The following ADGRG2 variants were observed in gnomAD, a reference collection of about 807,000 sequenced individuals.
ADGRG2 encodes the protein adhesion G protein-coupled receptor G2.
A neutral mutation model predicts 74.1 loss-of-function variants in ADGRG2; 26 were observed. That is an observed-to-expected ratio of 0.35 (90% CI 0.26 to 0.49). ADGRG2 has a LOEUF of 0.49. Ranked by LOEUF, ADGRG2 falls within the 20% of genes least tolerant of loss-of-function variation. The pLI is 0.99. For missense variants in ADGRG2, 619 were observed against 763.1 expected (o/e 0.81, Z 2.22); for synonymous variants, 296 against 295.2 (o/e 1.00, Z -0.03).
At chrX:19,070,094 C>T (rs1011197294) in intron 2 of ADGRG2, among the ~76,000 whole-genome samples, 6 of 112,411 alleles carry the variant, frequency 5.3e-5, no homozygotes, top group Non-Finnish European at 9.4e-5. Context: ...TGTACCCACT[C>T]ACCTGCGTGC....
intron 1 of ADGRG2, among the ~76,000 whole-genome samples, chrX:19,083,706 C>T (rs747546067): frequency 1.8e-5 from 2 of 112,201 alleles, no homozygotes; most frequent in Non-Finnish European, 3.8e-5. Context: ...GCATTGCTGA[C>T]GACCTGACTT....
At chrX:19,015,569 A>C (rs1349941939) in intron 15 of ADGRG2, among the ~76,000 whole-genome samples, 1 of 112,415 alleles carries the variant, frequency 8.9e-6, no homozygotes, top group Non-Finnish European at 1.9e-5. Context: ...AAATACAAAA[A>C]TTAGCCAGGC....
chrX:19,103,874 C>A (rs1431927220), intron 1 of ADGRG2, among the ~76,000 whole-genome samples: 2 of 111,485 alleles, frequency 1.8e-5, no homozygotes, highest in Non-Finnish European at 3.8e-5. Context: ...AAAGATGAGA[C>A]AAACCATAGA....
At chrX:19,024,365 G>T (rs1011241740) in intron 11 of ADGRG2, among the ~76,000 whole-genome samples, 1 of 111,062 alleles carries the variant, frequency 9.0e-6, no homozygotes, top group African/African-American at 3.3e-5. Flanking sequence ...GACCTGGTCT[G>T]CCCTCTCTGG....
At chrX:19,032,068 T>A (rs1474529257) in intron 8 of ADGRG2, 1 of 112,343 alleles carries the variant, frequency 8.9e-6, no homozygotes, top group African/African-American at 3.2e-5. Context: ...ACATTACAAA[T>A]CCTTAAATTC....
At chrX:19,002,724 T>A in intron 24 of ADGRG2, 122 bp downstream of exon 24, 3 of 644,781 alleles carry the variant, frequency 4.7e-6, no homozygotes, top group Non-Finnish European at 7.4e-6. Flanking sequence ...TGTAAGAGTA[T>A]AAAGCTGTTT....
chrX:19,028,036 T>C, intron 10 of ADGRG2, 147 bp downstream of exon 10: 1 of 418,992 alleles, frequency 2.4e-6, no homozygotes, highest in East Asian at 4.3e-5. Flanking sequence ...GCTACAAAGC[T>C]AGGGACTCAA....
chrX:18,999,162 T>C lies in ADGRG2; in HGVS notation c.2448A>G (p.Lys816=). 1 of 1,211,365 alleles carries C rather than the reference T, an allele frequency of 8.3e-7. No individual in the cohort carries two copies. Among genetic ancestry groups the C allele is most frequent in the Non-Finnish European group, 1.1e-6 (1 of 895,114 alleles). ...IVVLVQLCRI[K]KKKQLGAQRK... ...GCTGGGCTCCCAGTTGCTTCTTCTTTTTAATTCGACAGAGCTGAACCAGGA... is the reference window on the plus strand; with the variant it reads ...GCTGGGCTCCCAGTTGCTTCTTCTTCTTAATTCGACAGAGCTGAACCAGGA... Residue 816 remains lysine, a synonymous_variant, in exon 26 of 29, where the codon AAA becomes AAG. Coordinates refer to ENST00000379869, the MANE Select transcript of ADGRG2 (RefSeq NM_001079858.3).
At chrX:19,085,302 T>A (rs1244333209) in intron 1 of ADGRG2, among the ~76,000 whole-genome samples, 2 of 111,828 alleles carry the variant, frequency 1.8e-5, no homozygotes, top group Admixed American at 9.5e-5. Context: ...CGAGGACTTG[T>A]TAAGATGCAA....
In ADGRG2 at chrX:19,014,026, T is replaced by C. The variant is rs1488545759; in HGVS notation, c.759A>G (p.Pro253=). ...IVCLADHPRG[P]PFSSSQSIPV... ...GGATGGATTGGCTGGAAGAAAATGG[T>C]GGGCCACGTGGATGGTCAGCAAGAC... The change falls in exon 16 of 29, where the codon CCA becomes CCG. Residue 253 remains proline, a synonymous_variant. Transcript: ENST00000379869. The C allele has an allele frequency of 3.3e-6, 4 of 1,203,782 alleles. No individual in the cohort carries two copies. The African/African-American group carries it at 7.1e-5, about 21-fold the overall frequency.
At chrX:19,106,493 TTGTGTGTGTG>T (rs199616929) in intron 1 of ADGRG2, among the ~76,000 whole-genome samples, 1 of 106,740 alleles carries the variant, frequency 9.4e-6, no homozygotes, top group African/African-American at 3.4e-5. Flanking sequence ...TAGTGTGTGT[TTGTGTGTGTG>T]TGTGTGTGTG....
rs1424855475 is a variant in ADGRG2, at chrX:19,049,442, T to G, written c.119-9218A>C. On this transcript the variant is annotated intron_variant, in intron 3 of 28. Transcript: ENST00000379869. Reference sequence around the variant, plus strand: ...TCATATATAAGCGTTTTTTGTGTTTTTTTTTTTTTTTTTTTGTTGTTGTTG... The same window carrying G: ...TCATATATAAGCGTTTTTTGTGTTTGTTTTTTTTTTTTTTTGTTGTTGTTG... Among the ~76,000 whole-genome samples, 9 of 100,523 alleles carry G rather than the reference T, an allele frequency of 9.0e-5. No individual in the cohort carries two copies. The East Asian group carries it at 9.0e-4, about 10-fold the overall frequency. 87.3% of individuals were successfully genotyped at this position (100,523 alleles called of 115,157 possible). A position where few individuals can be genotyped will look rare whatever the true frequency, so the allele number is the denominator to read the frequency against.
At chrX:19,051,561 T>C (rs1255796193) in intron 3 of ADGRG2, among the ~76,000 whole-genome samples, 1 of 112,005 alleles carries the variant, frequency 8.9e-6, no homozygotes, top group Admixed American at 9.5e-5. Flanking sequence ...CTATGTCCCT[T>C]TCTCTTGATC....
intron 24 of ADGRG2, among the ~76,000 whole-genome samples, chrX:19,000,323 G>A: frequency 8.9e-6 from 1 of 111,858 alleles, no homozygotes; most frequent in Non-Finnish European, 1.9e-5. Flanking sequence ...AATAACCAAA[G>A]TGGGTGACAA....
In ADGRG2 at chrX:19,058,196, C is replaced by T. The variant is rs146720447; in HGVS notation, c.118+10521G>A. On this transcript the variant is annotated intron_variant, in intron 3 of 28. Transcript: ENST00000379869. ...TTGAAGGCCTACTGTGTGCCAGGCA[C>T]GGGGGTTATAGCAGGGAATAAAACA... 7.3e-3 allele frequency among the ~76,000 whole-genome samples: 812 copies of T among 111,782 alleles called. 13 individuals carry two copies. The highest frequency in any genetic ancestry group is 0.025 in the African/African-American group (776 of 30,793).
Position 19,003,319 on chromosome X carries a change from C to A in ADGRG2, c.1962-205G>T, listed in dbSNP as rs1254700172. Among the ~76,000 whole-genome samples, 3 of 110,594 alleles carry A rather than the reference C, an allele frequency of 2.7e-5. No individual in the cohort carries two copies. In the East Asian group the frequency reaches 8.5e-4, roughly 31 times the overall value. ...GGCTGGGACTACAGGCGCTCTCTAC[C>A]ACACCCTTATTTTTTTTGTAGAGAC... On this transcript the variant is annotated intron_variant, in intron 23 of 28. Transcript: ENST00000379869.
At chrX:19,044,014 T>C (rs1345493328) in intron 3 of ADGRG2, among the ~76,000 whole-genome samples, 2 of 111,735 alleles carry the variant, frequency 1.8e-5, no homozygotes, top group African/African-American at 6.5e-5. Context: ...TGCTGTACCA[T>C]TAACTTACTG....
chrX:19,100,301 TA>T (rs1434174244), intron 1 of ADGRG2, among the ~76,000 whole-genome samples: 2 of 113,242 alleles, frequency 1.8e-5, no homozygotes, highest in Non-Finnish European at 3.7e-5. Flanking sequence ...ATATTTTCTG[TA>T]AAAGGCCAAA....
rs1445599251 is a variant in ADGRG2 at position 19,019,658 on chromosome X, G to C, written c.651C>G (p.Cys217Trp). 8.7e-7 allele frequency: 1 copy of C among 1,150,982 alleles called. No homozygotes were observed. The highest frequency in any genetic ancestry group is 1.8e-5 in the South Asian group (1 of 55,215). 94.9% of individuals were successfully genotyped at this position (1,150,982 alleles called of 1,213,427 possible). A position where few individuals can be genotyped will look rare whatever the true frequency, so the allele number is the denominator to read the frequency against. ...GGCAGGGTATCCTGACAGAACAGCA[G>C]CAGTGTTCTAGGAGAGACAAAAGGA... ...ERVKIRPMEH[C>W]CCSVRIPCPS... The change falls in exon 15 of 29, where the codon TGC (cysteine) becomes TGG (tryptophan). Residue 217 changes from cysteine (C) to tryptophan (W), a missense_variant. Cys to Trp is a radical substitution (Grantham distance 215). This residue lies in a region of ADGRG2 where 292 missense variants were observed against 318.0 expected (regional missense o/e 0.92). Coordinates refer to ENST00000379869, the MANE Select transcript of ADGRG2 (RefSeq NM_001079858.3).
Sources: allele counts gnomAD v4.1 joint callset (sites outside exome capture counted in the v4.1 genomes callset), GRCh38; gene constraint gnomAD v4.1.1; regional missense constraint gnomAD v4.1.1; transcripts MANE v1.5; gene names NCBI Gene and HGNC (gene_info 2026-07-23, HGNC 2026-07-21).